The following ATP8B3 variants were observed in gnomAD, a reference collection of about 807,000 sequenced individuals.
The protein encoded by ATP8B3 is ATPase phospholipid transporting 8B3, also known as phospholipid-transporting ATPase IK.
Under a neutral mutation model 140.9 loss-of-function variants are expected in ATP8B3, and 141 were observed. That is an observed-to-expected ratio of 1.00 (90% confidence interval 0.87 to 1.15). ATP8B3 has a LOEUF of 1.15. Among genes scored for constraint, ATP8B3 ranks in the 50% most tolerant of loss-of-function variants. The pLI is 0.00. For missense variants in ATP8B3, 1,874 were observed against 1,740.6 expected (o/e 1.08, Z -1.36); for synonymous variants, 765 against 714.6 (o/e 1.07, Z -1.13).
In ATP8B3 at chr19:1,787,106, C is replaced by T; in HGVS notation, c.3150G>A (p.Glu1050=). The T allele has an allele frequency of 6.2e-7, 1 of 1,601,784 alleles. No individual in the cohort carries two copies. The highest frequency in any genetic ancestry group is 2.2e-5 in the East Asian group (1 of 44,462). The change falls in exon 25 of 29, where the codon GAG becomes GAA. Residue 1050 remains glutamate, a synonymous_variant. Transcript: ENST00000310127. ...TLPVLYIGLF[E]QDVSAEQSLE... Reference sequence around the variant, plus strand: ...GACCCGGCCTTGCCCTGCTCACCTGCTCAAAGAGCCCAATGTAGAGAACTG... The same window carrying T: ...GACCCGGCCTTGCCCTGCTCACCTGTTCAAAGAGCCCAATGTAGAGAACTG...
chr19:1,784,966 A>G lies in ATP8B3; in HGVS notation c.3533-20T>C, dbSNP rs748026744. ...CGGCATCTGGGGACAGGGCGGGGTC[A>G]CAGCAGAGCCTACCCCCAGCTCCAA... is the stretch of plus-strand genomic sequence containing the variant. On this transcript the variant is annotated intron_variant, in intron 27 of 28. Transcript: ENST00000310127. 6.9e-6 allele frequency: 11 copies of G among 1,595,792 alleles called. No homozygotes were observed. In the South Asian group the frequency reaches 1.1e-4, roughly 17 times the overall value.
At chr19:1,798,877 T>C (rs901464478) in intron 14 of ATP8B3, 1 of 152,124 alleles carries the variant, frequency 6.6e-6, no homozygotes, top group Non-Finnish European at 1.5e-5. Flanking sequence ...GTGTGGTGGC[T>C]CACATCTGTA....
chr19:1,811,802 TGGGGGAGACCCCCGTG>T lies in ATP8B3; in HGVS notation c.-82_-67del. ...TTTAGGCTGTGGGACGGGGGAGAGG[TGGGGGAGACCCCCGTG>T]GGGGCAGACTGGGGATTGGAGAGTT... On this transcript the variant is annotated 5_prime_UTR_variant, in exon 2 of 29. Transcript: ENST00000310127. 1 of 1,482,578 alleles carries T rather than the reference TGGGGGAGACCCCCGTG, an allele frequency of 6.7e-7. No homozygotes were observed. Among genetic ancestry groups the T allele is most frequent in the Non-Finnish European group, 9.0e-7 (1 of 1,117,096 alleles). The allele number at this position is 1,482,578 out of a possible 1,614,324, so 91.8% of individuals were successfully genotyped here. A position where few individuals can be genotyped will look rare whatever the true frequency, so the allele number is the denominator to read the frequency against.
rs2069059059 is a variant in ATP8B3, at chr19:1,807,378, C to T, written c.517-112G>A. 3.6e-6 allele frequency: 3 copies of T among 836,754 alleles called. No homozygotes were observed. Among genetic ancestry groups the T allele is most frequent in the Admixed American group, 2.1e-5 (1 of 48,482 alleles). The allele number at this position is 836,754 out of a possible 1,614,324, so 51.8% of individuals were successfully genotyped here. The stretch of plus-strand genomic sequence containing the variant: ...GACACCACGTGACACATCTGCTGGC[C>T]ACCTTGACCGGGGTCCAGCCATCTC... On this transcript the variant is annotated intron_variant, in intron 5 of 28. Transcript: ENST00000310127. The surrounding 1 kb of genome is among the most constrained non-coding windows in gnomAD (Gnocchi z 5.9).
chr19:1,797,964 T>C (rs2068732725), intron 14 of ATP8B3, among the ~76,000 whole-genome samples: 1 of 151,768 alleles, frequency 6.6e-6, no homozygotes, highest in Non-Finnish European at 1.5e-5. Flanking sequence ...GCCACCCCTT[T>C]GTGGTGTCTT....
rs185225335 is a variant in ATP8B3, at chr19:1,792,021, G to A, written c.2170C>T (p.Arg724Trp). 2.9e-5 allele frequency: 40 copies of A among 1,367,188 alleles called. No homozygotes were observed. The highest frequency in any genetic ancestry group is 3.4e-5 in the Non-Finnish European group (35 of 1,031,306). 84.7% of individuals were successfully genotyped at this position (1,367,188 alleles called of 1,614,324 possible). The change falls in exon 19 of 29, where the codon CGG becomes TGG. Residue 724 changes from arginine to tryptophan, a missense_variant. Around this residue, in one of 3 missense-constraint regions of ATP8B3, gnomAD observed 840 missense variants for 760.9 expected, o/e 1.10. Transcript: ENST00000310127. Reference protein sequence around the residue: ...HQEASLLLQNRAQALQQLLGA... With the variant: ...HQEASLLLQNWAQALQQLLGA... ...TACACCTGTTGCAGGGCCTGTGCCC[G>A]GTTCTGCAGCAGGAGGCTGGCCTCC...
chr19:1,783,089 G>A lies in ATP8B3; in HGVS notation c.3842C>T (p.Ala1281Val), dbSNP rs748277887. 8 of 1,613,248 alleles carry A rather than the reference G, an allele frequency of 5.0e-6. No homozygotes were observed. The highest frequency in any genetic ancestry group is 4.0e-5 in the African/African-American group (3 of 74,812). ...ATCAGATGGGTCTAGGGATTCAGAT[G>A]CTATGTCACTGCTGACCCCTGGTCC... Reference protein sequence around the residue: ...RRGPGVSSDIASESLDPSDEE... With the variant: ...RRGPGVSSDIVSESLDPSDEE... Residue 1281 changes from alanine to valine, a missense_variant, in exon 29 of 29, where the codon GCA becomes GTA. Physicochemically the swap from Ala to Val is moderately conservative, Grantham distance 64. Coordinates refer to ENST00000310127, the MANE Select transcript of ATP8B3 (RefSeq NM_138813.4).
rs941523614 is a variant in ATP8B3, at chr19:1,801,983, G to T, written c.1125C>A (p.Asp375Glu). 1 of 1,612,674 alleles carries T rather than the reference G, an allele frequency of 6.2e-7. No homozygotes were observed. The highest frequency in any genetic ancestry group is 1.3e-5 in the African/African-American group (1 of 74,952). Residue 375 changes from aspartate (D) to glutamate (E), a missense_variant, in exon 12 of 29, where the codon GAC (aspartate) becomes GAA (glutamate). Transcript: ENST00000310127. ...CAACCACCAGCTTGTTCATCAGGAG[G>T]TCCAGCTTGGTTCTCTTCAAATGGA... ...GKIHLKRTKL[D>E]LLMNKLVVVI...
rs2068188569 is a variant in ATP8B3, at chr19:1,782,446, C to T, written c.*582G>A. On this transcript the variant is annotated 3_prime_UTR_variant, in exon 29 of 29. Transcript: ENST00000310127. ...GCTCCACCTCCATAGGCTGCTCGCTCGTGGACGTGGACGATTCTTCCAGAC... is the reference window on the plus strand; with the variant it reads ...GCTCCACCTCCATAGGCTGCTCGCTTGTGGACGTGGACGATTCTTCCAGAC... 1.5e-5 allele frequency: 3 copies of T among 206,664 alleles called. No individual in the cohort carries two copies. The South Asian group carries it at 4.6e-4, about 32-fold the overall frequency. The allele number at this position is 206,664 out of a possible 1,614,324, so 12.8% of individuals were successfully genotyped here.
chr19:1,785,700 G>T lies in ATP8B3; in HGVS notation c.3162C>A (p.Ser1054Arg), dbSNP rs372576282. ...LYIGLFEQDV[S>R]AEQSLEKPEL... The stretch of plus-strand genomic sequence containing the variant: ...CCGGCTTCTCCAGGCTCTGCTCTGC[G>T]CTCACGTCCTTGGGGCAAGCAGAAG... The change falls in exon 26 of 29, where the codon AGC (serine) becomes AGA (arginine). Residue 1054 changes from serine (S) to arginine (R), a missense_variant. Ser to Arg is a moderately radical substitution (Grantham distance 110). Coordinates refer to ENST00000310127, the MANE Select transcript of ATP8B3 (RefSeq NM_138813.4). 1 of 1,538,554 alleles carries T rather than the reference G, an allele frequency of 6.5e-7. No homozygotes were observed. Among genetic ancestry groups the T allele is most frequent in the Non-Finnish European group, 8.8e-7 (1 of 1,136,990 alleles).
At chr19:1,787,059 C>G in intron 25 of ATP8B3, 44 bp downstream of exon 25, 1 of 1,506,860 alleles carries the variant, frequency 6.6e-7, no homozygotes, top group Non-Finnish European at 9.1e-7. Flanking sequence ...GGAGGAGAGG[C>G]TAAGCAGAGA....
In ATP8B3 at chr19:1,806,538, GA is replaced by G; in HGVS notation, c.677+89del. On this transcript the variant is annotated intron_variant, in intron 7 of 28. Transcript: ENST00000310127. This position sits in a 1 kb window ranked among gnomAD's most constrained non-coding sequence, Gnocchi z 5.6. ...ACCAGCCGGGAGATCAGGGAGCACGGAAGGTGATGGACACTTGCCGAGGCCG... is the reference window on the plus strand; with the variant it reads ...ACCAGCCGGGAGATCAGGGAGCACGGAGGTGATGGACACTTGCCGAGGCCG... 1 of 1,532,610 alleles carries G rather than the reference GA, an allele frequency of 6.5e-7. No individual in the cohort carries two copies. The highest frequency in any genetic ancestry group is 8.8e-7 in the Non-Finnish European group (1 of 1,140,572). The allele number at this position is 1,532,610 out of a possible 1,614,324, so 94.9% of individuals were successfully genotyped here. A position where few individuals can be genotyped will look rare whatever the true frequency, so the allele number is the denominator to read the frequency against.
At chr19:1,799,230 G>A (rs2068767715) in intron 14 of ATP8B3, 1 of 151,910 alleles carries the variant, frequency 6.6e-6, no homozygotes, top group African/African-American at 2.4e-5. Flanking sequence ...GGCTGAGGCA[G>A]GCAGATCACC....
rs200743643 is a variant in ATP8B3, at chr19:1,792,022, G to A, written c.2169C>T (p.Asn723=). Residue 723 remains asparagine (N), a synonymous_variant, in exon 19 of 29, where the codon AAC becomes AAT. Transcript: ENST00000310127. ...RHQEASLLLQ[N]RAQALQQLLG... is the part of the protein sequence containing the mutation. ...ACACCTGTTGCAGGGCCTGTGCCCG[G>A]TTCTGCAGCAGGAGGCTGGCCTCCT... 8,194 of 1,555,920 alleles carry A rather than the reference G, an allele frequency of 5.3e-3. 26 individuals are homozygous for A. The highest frequency in any genetic ancestry group is 6.1e-3 in the Non-Finnish European group (6,992 of 1,150,350).
chr19:1,791,346 A>T (rs2068503559), intron 20 of ATP8B3, among the ~76,000 whole-genome samples: 1 of 150,760 alleles, frequency 6.6e-6, no homozygotes, highest in African/African-American at 2.4e-5. Context: ...GGAGTAGCTG[A>T]GACCACAAGC....
chr19:1,808,018 T>C (rs370281048), intron 5 of ATP8B3, among the ~76,000 whole-genome samples: 11 of 152,216 alleles, frequency 7.2e-5, no homozygotes, highest in African/African-American at 2.4e-4. Context: ...TCATCAGACC[T>C]GGAGGGTGCA....
Position 1,802,957 on chromosome 19 carries a change from G to C in ATP8B3, c.905-312C>G, listed in dbSNP as rs534020099. ...CCAGCATGTGACGAGACATTTATCT[G>C]TGCAAAGCTATTGTTAATGTCTGTG... On this transcript the variant is annotated intron_variant, in intron 10 of 28. Coordinates refer to ENST00000310127, the MANE Select transcript of ATP8B3 (RefSeq NM_138813.4). Among the ~76,000 whole-genome samples, 81 of 152,288 alleles carry C rather than the reference G, an allele frequency of 5.3e-4. 3 individuals carry two copies. The highest frequency in any genetic ancestry group is 1.8e-3 in the African/African-American group (75 of 41,548).
In ATP8B3 at chr19:1,789,003, C is replaced by T. The variant is rs757207324; in HGVS notation, c.2963G>A (p.Trp988Ter). ...LQRLLLVHGR[W>*]SYVRICKFLR... is the part of the protein sequence containing the mutation. ...GAACTTGCAGATCCGCACGTAGGAC[C>T]AGCGGCCGTGCACCAGCAGGAGGCG... is the stretch of plus-strand genomic sequence containing the variant. Residue 988 changes from tryptophan (W) to a stop codon, truncating the protein, a stop_gained, in exon 24 of 29, where the codon TGG becomes TAG. Coordinates refer to ENST00000310127, the MANE Select transcript of ATP8B3 (RefSeq NM_138813.4). LOFTEE classifies it high-confidence loss of function. 1.1e-5 allele frequency: 17 copies of T among 1,610,396 alleles called. No individual in the cohort carries two copies. Among genetic ancestry groups the T allele is most frequent in the Non-Finnish European group, 1.2e-5 (14 of 1,178,780 alleles).
intron 28 of ATP8B3, among the ~76,000 whole-genome samples, chr19:1,784,570 G>A (rs2068243216): frequency 6.6e-6 from 1 of 152,190 alleles, no homozygotes; most frequent in African/African-American, 2.4e-5. Context: ...CATCAGCACT[G>A]GAATCCAGGG....
Sources: gnomAD v4.1 joint callset for allele counts (sites outside exome capture counted in the v4.1 genomes callset) on GRCh38, gnomAD v4.1.1 for gene constraint, gnomAD v4.1.1 regional missense constraint, Gnocchi (gnomAD v3.1) non-coding constraint, MANE v1.5 for transcripts, NCBI Gene and HGNC (gene_info 2026-07-23, HGNC 2026-07-21) for gene names.